The following CERS6 variants were observed in gnomAD, a reference collection of about 807,000 sequenced individuals.
The protein encoded by CERS6 is LAG1 homolog, ceramide synthase 6.
CERS6 carries 26 observed loss-of-function variants against 56.8 expected under a neutral mutation model. That is an observed-to-expected ratio of 0.46 (90% CI 0.34 to 0.63). The LOEUF (loss-of-function observed/expected upper bound fraction) is 0.63. CERS6 is among the 30% of genes least tolerant of loss of function. CERS6 has a pLI of 0.01. For synonymous variants in CERS6, 164 were observed against 173.3 expected (o/e 0.95, Z 0.42); for missense variants, 415 against 467.5 (o/e 0.89, Z 1.04).
At chr2:168,608,065 C>T (rs1012559734) in intron 3 of CERS6, among the ~76,000 whole-genome samples, 22 of 152,176 alleles carry the variant, frequency 1.4e-4, no homozygotes, top group Non-Finnish European at 2.6e-4. Flanking sequence ...ACTCCCAGTC[C>T]CAGGCAACCA....
intron 4 of CERS6, chr2:168,644,137 G>C (rs1318628774): frequency 7.1e-6 from 7 of 982,140 alleles, no homozygotes; most frequent in Non-Finnish European, 8.5e-6. Context: ...AGTATTTTTG[G>C]CATCAGGCAG....
chr2:168,752,324 G>GTGT (rs1559080876), intron 8 of CERS6, among the ~76,000 whole-genome samples: 2 of 106,786 alleles, frequency 1.9e-5, no homozygotes, highest in Non-Finnish European at 4.5e-5. Context: ...TGTGTATAGA[G>GTGT]AGAGAGAGAG....
At chr2:168,581,532 AAT>A (rs1281353644) in intron 3 of CERS6, among the ~76,000 whole-genome samples, 2 of 152,176 alleles carry the variant, frequency 1.3e-5, no homozygotes, top group African/African-American at 4.8e-5. Context: ...ATATCTTTCA[AAT>A]CACTAATTCC....
chr2:168,756,720 GC>G (rs1418877899), intron 8 of CERS6, among the ~76,000 whole-genome samples: 1 of 152,146 alleles, frequency 6.6e-6, no homozygotes, highest in Admixed American at 6.5e-5. Flanking sequence ...CTGAGCATAA[GC>G]CTGGGTGAAG....
At chr2:168,525,060 T>C (rs1695046708) in intron 1 of CERS6, among the ~76,000 whole-genome samples, 1 of 152,154 alleles carries the variant, frequency 6.6e-6, no homozygotes, top group Non-Finnish European at 1.5e-5. Flanking sequence ...GGCAGAGCTA[T>C]GGAGAGACAT....
At chr2:168,642,521 A>G (rs1404780751) in intron 4 of CERS6, among the ~76,000 whole-genome samples, 1 of 152,162 alleles carries the variant, frequency 6.6e-6, no homozygotes, top group African/African-American at 2.4e-5. Flanking sequence ...TCCCATCACT[A>G]AGAAGTGAGT....
intron 3 of CERS6, among the ~76,000 whole-genome samples, chr2:168,566,553 A>G (rs1033916335): frequency 3.3e-5 from 5 of 152,216 alleles, no homozygotes; most frequent in African/African-American, 1.2e-4. Context: ...AATTGCCTTC[A>G]TGCTACTAAC....
At chr2:168,593,342 T>G (rs1683719466) in intron 3 of CERS6, among the ~76,000 whole-genome samples, 1 of 152,190 alleles carries the variant, frequency 6.6e-6, no homozygotes, top group African/African-American at 2.4e-5. Context: ...GACCACAGCT[T>G]TTTTGTCATG....
chr2:168,728,662 C>T (rs1360998920), intron 8 of CERS6, among the ~76,000 whole-genome samples: 1 of 151,610 alleles, frequency 6.6e-6, no homozygotes, highest in East Asian at 1.9e-4. Flanking sequence ...ACAGAATATG[C>T]TCTCGATTAA....
At chr2:168,504,747 A>G (rs915337311) in intron 1 of CERS6, among the ~76,000 whole-genome samples, 2 of 152,118 alleles carry the variant, frequency 1.3e-5, no homozygotes, top group Admixed American at 1.3e-4. Context: ...CAGTATGGGC[A>G]TGCTGCAGGG....
At chr2:168,622,301 G>A (rs954029888) in intron 3 of CERS6, among the ~76,000 whole-genome samples, 3 of 152,188 alleles carry the variant, frequency 2.0e-5, no homozygotes, top group Non-Finnish European at 4.4e-5. Context: ...TTTTAAGAAC[G>A]TTTACAAATT....
chr2:168,757,788 A>T (rs1684458808), intron 8 of CERS6, among the ~76,000 whole-genome samples: 1 of 152,096 alleles, frequency 6.6e-6, no homozygotes, highest in African/African-American at 2.4e-5. Context: ...ATAATTAGGC[A>T]CCCATGCCGC....
chr2:168,477,154 G>T (rs1446594233), intron 1 of CERS6, among the ~76,000 whole-genome samples: 1 of 145,138 alleles, frequency 6.9e-6, no homozygotes, highest in East Asian at 2.1e-4. Flanking sequence ...AGTGAGGGAG[G>T]AAAGGAATGA....
chr2:168,505,366 A>G (rs1454692351), intron 1 of CERS6, among the ~76,000 whole-genome samples: 2 of 118,742 alleles, frequency 1.7e-5, no homozygotes, highest in Non-Finnish European at 3.3e-5. Flanking sequence ...TGGGCAACAG[A>G]GTGAGACCCT....
intron 1 of CERS6, among the ~76,000 whole-genome samples, chr2:168,505,707 T>A (rs992644604): frequency 3.3e-5 from 5 of 152,170 alleles, no homozygotes; most frequent in Non-Finnish European, 1.5e-5. Context: ...TAAATTAATT[T>A]GTTAGAGGGA....
chr2:168,463,637 G>C (rs1256179187), intron 1 of CERS6, among the ~76,000 whole-genome samples: 1 of 152,230 alleles, frequency 6.6e-6, no homozygotes, highest in African/African-American at 2.4e-5. Flanking sequence ...GCTGAGCACA[G>C]TGGCTCATGC....
In CERS6 at chr2:168,696,281, G is replaced by C. The variant is rs191466159; in HGVS notation, c.609+1230G>C. The stretch of plus-strand genomic sequence containing the variant: ...TCTTGTTCTTCTCCAGTAACCCTTA[G>C]AACCAAAAGTCATGTCAGCCAGGAC... On this transcript the variant is annotated intron_variant, in intron 6 of 9. Transcript: ENST00000305747. Among the ~76,000 whole-genome samples the C allele has an allele frequency of 2.2e-4, 34 of 152,224 alleles. 1 individual carries two copies. In the East Asian group the frequency reaches 6.6e-3, roughly 29 times the overall value.
chr2:168,602,658 G>C (rs1003519268), intron 3 of CERS6, among the ~76,000 whole-genome samples: 14 of 152,230 alleles, frequency 9.2e-5, no homozygotes, highest in Non-Finnish European at 1.8e-4. Context: ...GGGTATAAAT[G>C]AACTTGAATT....
intron 4 of CERS6, among the ~76,000 whole-genome samples, chr2:168,665,714 C>T (rs1013935521): frequency 6.6e-6 from 1 of 152,146 alleles, no homozygotes; most frequent in African/African-American, 2.4e-5. Flanking sequence ...CTGTATACTA[C>T]ATACCTACAA....
Sources: allele counts gnomAD v4.1 joint callset (sites outside exome capture counted in the v4.1 genomes callset), GRCh38; gene constraint gnomAD v4.1.1; transcripts MANE v1.5; gene names NCBI Gene and HGNC (gene_info 2026-07-23, HGNC 2026-07-21).